ZNF141: variants seen among roughly 807,000 people sequenced by gnomAD.
ZNF141 encodes the protein zinc finger protein 141.
Under a neutral mutation model 11.3 loss-of-function variants are expected in ZNF141, and 7 were observed. The ratio of observed to expected loss-of-function variants is 0.62; its 90% CI spans 0.35 to 1.16. The LOEUF (loss-of-function observed/expected upper bound fraction) is 1.16, where lower values mean the gene tolerates loss of function less well. Among genes scored for constraint, ZNF141 ranks in the 50% most tolerant of loss-of-function variants. ZNF141 has a pLI of 0.02. For synonymous variants in ZNF141, 183 were observed against 190.7 expected (o/e 0.96, Z 0.33); for missense variants, 535 against 554.0 (o/e 0.97, Z 0.34).
At chr4:368,912 T>G (rs931684054) in intron 3 of ZNF141, among the ~76,000 whole-genome samples, 1 of 152,208 alleles carries the variant, frequency 6.6e-6, no homozygotes. Flanking sequence ...AGAATTTAAT[T>G]AGAAATTTGA....
At chr4:371,545 T>TGC (rs1303107277) in intron 3 of ZNF141, among the ~76,000 whole-genome samples, 1 of 150,118 alleles carries the variant, frequency 6.7e-6, no homozygotes, top group African/African-American at 2.5e-5. Flanking sequence ...TGATAATTTG[T>TGC]GTGTGTGTGT....
chr4:362,927 A>G (rs1229565248), intron 3 of ZNF141, among the ~76,000 whole-genome samples: 3 of 152,200 alleles, frequency 2.0e-5, no homozygotes, highest in African/African-American at 7.2e-5. Context: ...AGTCATTGGT[A>G]GCTTGATGAG....
intron 3 of ZNF141, among the ~76,000 whole-genome samples, chr4:371,203 T>C (rs1712041201): frequency 6.6e-6 from 1 of 150,894 alleles, no homozygotes; most frequent in Admixed American, 6.6e-5. Flanking sequence ...TTTAAAACTT[T>C]GTACATCTTC....
At chr4:356,187 T>G (rs550258760) in intron 3 of ZNF141, among the ~76,000 whole-genome samples, 2 of 145,914 alleles carry the variant, frequency 1.4e-5, no homozygotes, top group African/African-American at 5.1e-5. Flanking sequence ...GCCGAGATCA[T>G]GCCACCGCAC....
At position 378,851 on chromosome 4, in the gene ZNF141, T is replaced by C. The variant is rs1712489687; in HGVS notation, c.*4989T>C. 7.2e-6 allele frequency among the ~76,000 whole-genome samples: 1 copy of C among 138,476 alleles called. No individual in the cohort carries two copies. Among genetic ancestry groups the C allele is most frequent in the African/African-American group, 2.8e-5 (1 of 35,808 alleles). The allele number at this position is 138,476 out of a possible 152,430, so 90.8% of individuals were successfully genotyped here. ...TTCTCAGTGATTTTTTTTTTTTTTT[T>C]TTTTTTTTTTTGAGATGGAGTCTTG... On this transcript the variant is annotated 3_prime_UTR_variant, in exon 4 of 4. Transcript: ENST00000240499.
At chr4:369,664 GACTTT>G (rs1343113665) in intron 3 of ZNF141, among the ~76,000 whole-genome samples, 12 of 139,900 alleles carry the variant, frequency 8.6e-5, no homozygotes, top group African/African-American at 2.4e-4. Context: ...GTGTTGATAG[GACTTT>G]ACTTCTTATA....
intron 3 of ZNF141, among the ~76,000 whole-genome samples, chr4:371,569 T>C (rs1481404636): frequency 7.0e-6 from 1 of 142,700 alleles, no homozygotes; most frequent in Non-Finnish European, 1.5e-5. Flanking sequence ...TGTCAGAGTC[T>C]CGCTGTGTCT....
chr4:339,981 C>G (rs1720973503), intron 1 of ZNF141, among the ~76,000 whole-genome samples: 1 of 152,220 alleles, frequency 6.6e-6, no homozygotes, highest in Non-Finnish European at 1.5e-5. Context: ...ATGGTACTGT[C>G]AAGTCTTCTA....
intron 3 of ZNF141, among the ~76,000 whole-genome samples, chr4:356,503 T>C (rs1489528010): frequency 6.6e-6 from 1 of 151,762 alleles, no homozygotes; most frequent in Non-Finnish European, 1.5e-5. Flanking sequence ...TTGTCTGTAT[T>C]TTTTGTAGAG....
chr4:351,781 CCTTT>C (rs1310371601), intron 3 of ZNF141, among the ~76,000 whole-genome samples: 1 of 152,042 alleles, frequency 6.6e-6, no homozygotes, highest in East Asian at 1.9e-4. Context: ...TGCTGGTGAA[CCTTT>C]CTTTCAGGTG....
At position 373,691 on chromosome 4, in the gene ZNF141, T is replaced by G. The variant is rs1472231197; in HGVS notation, c.1254T>G (p.Ser418Arg). Reference sequence around the variant, plus strand: ...GGAGTCAACATAAGAAAATTCATAGTGCAGATAAACCCTACAAATGTAAAG... The same window carrying G: ...GGAGTCAACATAAGAAAATTCATAGGGCAGATAAACCCTACAAATGTAAAG... ...TDRSQHKKIHSADKPYKCKEC... is the reference protein window; with the variant it reads ...TDRSQHKKIHRADKPYKCKEC... Residue 418 changes from serine (S) to arginine (R), a missense_variant, in exon 4 of 4, where the codon AGT becomes AGG. Ser to Arg is a moderately radical substitution (Grantham distance 110). Coordinates refer to ENST00000240499, the MANE Select transcript of ZNF141 (RefSeq NM_003441.4). The G allele has an allele frequency of 1.2e-6, 2 of 1,614,090 alleles. No homozygotes were observed. The highest frequency in any genetic ancestry group is 1.1e-5 in the South Asian group (1 of 91,078).
In ZNF141 at chr4:383,323, C is replaced by T. The variant is rs1489338979; in HGVS notation, c.*9461C>T. The T allele has an allele frequency of 2.7e-5, 16 of 584,990 alleles. No homozygotes were observed. Among genetic ancestry groups the T allele is most frequent in the Admixed American group, 9.8e-5 (3 of 30,486 alleles). The allele number at this position is 584,990 out of a possible 1,614,324, so 36.2% of individuals were successfully genotyped here. On this transcript the variant is annotated 3_prime_UTR_variant, in exon 4 of 4. Transcript: ENST00000240499. ...AGCTCAATCCTGAGCTAGTATGTTT[C>T]GGGATTGTTATGCAGTTATAAGTTA... is the stretch of plus-strand genomic sequence containing the variant.
rs1326562778 is a variant in ZNF141 at position 380,472 on chromosome 4, T to A, written c.*6610T>A. On this transcript the variant is annotated 3_prime_UTR_variant, in exon 4 of 4. Coordinates refer to ENST00000240499, the MANE Select transcript of ZNF141 (RefSeq NM_003441.4). ...TTTGAGACCAGTCTGGCCAACATGG[T>A]GAAACCCCGTCTCTACTACAAATAT... Among the ~76,000 whole-genome samples the A allele has an allele frequency of 6.6e-6, 1 of 152,016 alleles. No individual in the cohort carries two copies. The highest frequency in any genetic ancestry group is 1.5e-5 in the Non-Finnish European group (1 of 68,018).
intron 3 of ZNF141, 118 bp from the exon 4 acceptor site, chr4:372,546 C>A: frequency 3.4e-6 from 3 of 873,096 alleles, no homozygotes; most frequent in Non-Finnish European, 4.9e-6. Flanking sequence ...GAAGTTATGG[C>A]CTGTGGGATT....
At chr4:365,859 G>T (rs570693611) in intron 3 of ZNF141, among the ~76,000 whole-genome samples, 1 of 152,232 alleles carries the variant, frequency 6.6e-6, no homozygotes, top group African/African-American at 2.4e-5. Flanking sequence ...TATCATGTAG[G>T]TAATCAATTT....
chr4:337,831 C>A lies in ZNF141; in HGVS notation c.-153C>A. ...TGGCGCGGGTCTTTGCGTCTGGCTA[C>A]TACCAGACCGCGGGTTAGGGGCTTC... is the stretch of plus-strand genomic sequence containing the variant. On this transcript the variant is annotated 5_prime_UTR_variant, in exon 1 of 4. Coordinates refer to ENST00000240499, the MANE Select transcript of ZNF141 (RefSeq NM_003441.4). The A allele has an allele frequency of 1.0e-6, 1 of 991,098 alleles. No homozygotes were observed. Among genetic ancestry groups the A allele is most frequent in the Non-Finnish European group, 1.6e-6 (1 of 644,686 alleles). 61.4% of individuals were successfully genotyped at this position (991,098 alleles called of 1,614,324 possible). A position where few individuals can be genotyped will look rare whatever the true frequency, so the allele number is the denominator to read the frequency against.
rs1553855691 is a variant in ZNF141 at position 381,675 on chromosome 4, C to G, written c.*7813C>G. Among the ~76,000 whole-genome samples, 3 of 152,030 alleles carry G rather than the reference C, an allele frequency of 2.0e-5. No individual in the cohort carries two copies. The highest frequency in any genetic ancestry group is 2.1e-4 in the South Asian group (1 of 4,820). The stretch of plus-strand genomic sequence containing the variant: ...TCCACCCAGTCAGCCTCCCAAAGTG[C>G]TGGGATTACAGGCGTGAGCCACCAT... On this transcript the variant is annotated 3_prime_UTR_variant, in exon 4 of 4. Coordinates refer to ENST00000240499, the MANE Select transcript of ZNF141 (RefSeq NM_003441.4).
chr4:365,685 C>T (rs530105090), intron 3 of ZNF141, among the ~76,000 whole-genome samples: 2 of 152,168 alleles, frequency 1.3e-5, no homozygotes, highest in East Asian at 3.9e-4. Context: ...TTTGCCTGTG[C>T]TTTTGAGGTC....
chr4:365,142 C>A, intron 3 of ZNF141, among the ~76,000 whole-genome samples: 1 of 152,262 alleles, frequency 6.6e-6, no homozygotes, highest in Non-Finnish European at 1.5e-5. Flanking sequence ...GCAAGCCAGG[C>A]GTGGGATATA....
Sources: allele counts gnomAD v4.1 joint callset (sites outside exome capture counted in the v4.1 genomes callset), GRCh38; gene constraint gnomAD v4.1.1; transcripts MANE v1.5; gene names NCBI Gene and HGNC (gene_info 2026-07-23, HGNC 2026-07-21).